Variants in CFAP44 observed in about 807,000 individuals in gnomAD.
CFAP44 encodes the protein cilia- and flagella-associated protein 44.
Under a neutral mutation model 216.2 loss-of-function variants are expected in CFAP44, and 134 were observed. The observed-to-expected ratio is 0.62, with a 90% CI of 0.54 to 0.72. The LOEUF is 0.72. Ranked by LOEUF, CFAP44 falls within the 30% of genes least tolerant of loss-of-function variation. The pLI is 0.00. For missense variants in CFAP44, 2,035 were observed against 2,182.1 expected (o/e 0.93, Z 1.34); for synonymous variants, 700 against 727.6 (o/e 0.96, Z 0.61).
At chr3:113,410,483 C>T (rs1034837569) in intron 6 of CFAP44, among the ~76,000 whole-genome samples, 5 of 152,094 alleles carry the variant, frequency 3.3e-5, no homozygotes. Context: ...TGAACTCATC[C>T]TTTTTTATGG....
At chr3:113,370,064 G>A (rs1933098822) in intron 18 of CFAP44, among the ~76,000 whole-genome samples, 1 of 152,048 alleles carries the variant, frequency 6.6e-6, no homozygotes, top group South Asian at 2.1e-4. Context: ...CCAATAACAG[G>A]TTCTGAAATT....
chr3:113,396,900 T>C (rs188642071), intron 13 of CFAP44, among the ~76,000 whole-genome samples, 173 bp from the exon 14 acceptor site: 1 of 152,234 alleles, frequency 6.6e-6, no homozygotes, highest in Admixed American at 6.5e-5. Context: ...TTATAACCAA[T>C]GACCACAGGA....
intron 23 of CFAP44, among the ~76,000 whole-genome samples, chr3:113,343,576 C>T (rs1015676393): frequency 2.6e-5 from 4 of 152,122 alleles, no homozygotes; most frequent in Admixed American, 2.0e-4. Context: ...GTAATTTAAG[C>T]TACATCCCCA....
chr3:113,419,762 T>C (rs961283066), intron 5 of CFAP44, among the ~76,000 whole-genome samples: 1 of 152,224 alleles, frequency 6.6e-6, no homozygotes, highest in Non-Finnish European at 1.5e-5. Flanking sequence ...GGAAGTCACC[T>C]AACCTCTATA....
chr3:113,347,749 G>A (rs956559500), intron 22 of CFAP44, among the ~76,000 whole-genome samples: 81 of 152,094 alleles, frequency 5.3e-4, no homozygotes, highest in Non-Finnish European at 9.1e-4. Context: ...GACAAAAGGC[G>A]TCACTCTTCC....
chr3:113,414,496 T>C (rs529551599), intron 6 of CFAP44, among the ~76,000 whole-genome samples: 12 of 152,312 alleles, frequency 7.9e-5, no homozygotes, highest in Admixed American at 3.9e-4. Context: ...GGCTGTGGGT[T>C]TGTCATAAAT....
chr3:113,367,515 A>T (rs1013549500), intron 18 of CFAP44, among the ~76,000 whole-genome samples: 1 of 152,226 alleles, frequency 6.6e-6, no homozygotes, highest in African/African-American at 2.4e-5. Flanking sequence ...GAAAACTAAC[A>T]AACAGAAAGG....
At chr3:113,398,278 TA>T (rs1934046608) in intron 13 of CFAP44, among the ~76,000 whole-genome samples, 1 of 151,986 alleles carries the variant, frequency 6.6e-6, no homozygotes, top group Non-Finnish European at 1.5e-5. Flanking sequence ...ACACAAGCAC[TA>T]AGGGGAAGAA....
At chr3:113,417,689 A>G (rs1934686755) in intron 5 of CFAP44, among the ~76,000 whole-genome samples, 1 of 152,170 alleles carries the variant, frequency 6.6e-6, no homozygotes, top group South Asian at 2.1e-4. Flanking sequence ...TATTATCTCC[A>G]TCTTATTGAT....
At chr3:113,407,322 T>G (rs1390619205) in intron 7 of CFAP44, among the ~76,000 whole-genome samples, 1 of 152,236 alleles carries the variant, frequency 6.6e-6, no homozygotes, top group Admixed American at 6.5e-5. Flanking sequence ...CAGCTATGTG[T>G]GACTATTTAA....
intron 34 of CFAP44, chr3:113,293,877 G>A (rs1949855026): frequency 1.0e-5 from 4 of 387,406 alleles, no homozygotes; most frequent in South Asian, 5.8e-5. Flanking sequence ...CGGGAAGGCT[G>A]GTTAATGCAG....
intron 26 of CFAP44, among the ~76,000 whole-genome samples, 163 bp from the exon 27 acceptor site, chr3:113,327,982 T>C (rs1280550670): frequency 6.6e-6 from 1 of 152,154 alleles, no homozygotes; most frequent in Non-Finnish European, 1.5e-5. Flanking sequence ...ATTAATGGCA[T>C]TAAGTTTACA....
chr3:113,352,836 T>C (rs2107829659), intron 22 of CFAP44, among the ~76,000 whole-genome samples: 1 of 152,298 alleles, frequency 6.6e-6, no homozygotes, highest in East Asian at 1.9e-4. Flanking sequence ...ATATTTTGCC[T>C]ATTAGATTGG....
In CFAP44 at chr3:113,396,466, G is replaced by A; in HGVS notation, c.1779+52C>T. 9 of 1,565,124 alleles carry A rather than the reference G, an allele frequency of 5.8e-6. 1 individual carries two copies. The South Asian group carries it at 8.0e-5, about 14-fold the overall frequency. On this transcript the variant is annotated intron_variant, in intron 14 of 34. Transcript: ENST00000393845. ...ATGATGAAGTAGGAGGACTTATAAGGCAATTTAACTATAAAATTTCAACAA... is the reference window on the plus strand; with the variant it reads ...ATGATGAAGTAGGAGGACTTATAAGACAATTTAACTATAAAATTTCAACAA...
chr3:113,405,261 TAG>T (rs890434538), intron 8 of CFAP44, among the ~76,000 whole-genome samples: 19 of 152,342 alleles, frequency 1.2e-4, no homozygotes, highest in African/African-American at 3.4e-4. Flanking sequence ...CCATTTATGG[TAG>T]AGTCTTTAGA....
At chr3:113,346,331 T>G (rs1950381601) in intron 22 of CFAP44, among the ~76,000 whole-genome samples, 1 of 151,680 alleles carries the variant, frequency 6.6e-6, no homozygotes, top group Non-Finnish European at 1.5e-5. Flanking sequence ...GCTAAAGGAC[T>G]GTAAGTGCAC....
rs533986545 is a variant in CFAP44 at position 113,309,940 on chromosome 3, G to T, written c.4517-1672C>A. 1.1e-3 allele frequency among the ~76,000 whole-genome samples: 169 copies of T among 152,292 alleles called. 3 individuals carry two copies. Among genetic ancestry groups the T allele is most frequent in the South Asian group, 5.8e-3 (28 of 4,820 alleles). On this transcript the variant is annotated intron_variant, in intron 28 of 34. Transcript: ENST00000393845. Reference sequence around the variant, plus strand: ...AAAGGACCAGGGAAGGGGCAGCCTAGCAGGAGAGAAAACTTTTAGACAGTA... The same window carrying T: ...AAAGGACCAGGGAAGGGGCAGCCTATCAGGAGAGAAAACTTTTAGACAGTA...
At chr3:113,390,706 C>T (rs1455264606) in intron 15 of CFAP44, among the ~76,000 whole-genome samples, 1 of 151,908 alleles carries the variant, frequency 6.6e-6, no homozygotes, top group Admixed American at 6.6e-5. Context: ...CAACAGCAAA[C>T]AATCTGAAAA....
chr3:113,362,068 G>T (rs1024153040), intron 21 of CFAP44, among the ~76,000 whole-genome samples: 5 of 151,616 alleles, frequency 3.3e-5, no homozygotes, highest in African/African-American at 9.7e-5. Flanking sequence ...ACTAGGCATA[G>T]CTTCACAGTC....
Sources: gnomAD v4.1 joint callset for allele counts (sites outside exome capture counted in the v4.1 genomes callset) on GRCh38, gnomAD v4.1.1 for gene constraint, MANE v1.5 for transcripts, NCBI Gene and HGNC (gene_info 2026-07-23, HGNC 2026-07-21) for gene names.